The following MMS19 variants were observed in gnomAD, a reference collection of about 807,000 sequenced individuals.
The protein encoded by MMS19 is MMS19 nucleotide excision repair protein homolog.
In MMS19, 77 loss-of-function variants were observed where a neutral mutation model predicts 129.8. The observed-to-expected ratio is 0.59, with a 90% CI of 0.49 to 0.72. The LOEUF (loss-of-function observed/expected upper bound fraction) is 0.72, where lower values mean the gene tolerates loss of function less well. Ranked by LOEUF, MMS19 falls within the 30% of genes least tolerant of loss-of-function variation. The probability of loss-of-function intolerance (pLI) is 0.00; values close to 1 mark genes in which losing one functional copy is unlikely to be tolerated. For synonymous variants in MMS19, 491 were observed against 502.8 expected (o/e 0.98, Z 0.31); for missense variants, 1,168 against 1,266.3 (o/e 0.92, Z 1.18).
Position 97,469,674 on chromosome 10 carries a change from G to A in MMS19, c.896C>T (p.Pro299Leu). The A allele has an allele frequency of 1.2e-6, 2 of 1,613,968 alleles. No individual in the cohort carries two copies. Among genetic ancestry groups the A allele is most frequent in the African/African-American group, 1.3e-5 (1 of 75,042 alleles). Residue 299 changes from proline to leucine, a missense_variant, in exon 11 of 31, where the codon CCC (proline) becomes CTC (leucine). By Grantham distance (98) the Pro-to-Leu change is moderately conservative. This residue lies in a region of MMS19 where 831 missense variants were observed against 910.8 expected (regional missense o/e 0.91). Transcript: ENST00000438925. Reference protein sequence around the residue: ...YGQKELKDFLPSLWASIRREV... With the variant: ...YGQKELKDFLLSLWASIRREV... ...TCTGCGGATAGAAGCCCAAAGGCTG[G>A]GGAGGAAGTCCTTCAGTTCCTTCTG...
In MMS19 at chr10:97,460,678, C is replaced by T. The variant is rs1167959128; in HGVS notation, c.2469+17G>A. On this transcript the variant is annotated intron_variant, in intron 25 of 30. Transcript: ENST00000438925. ...TTGTTTAGGTCCTGGGTTCTTCTGT[C>T]TCCAGAAAGGACGTACCCGGGCTGT... 2 of 1,579,258 alleles carry T rather than the reference C, an allele frequency of 1.3e-6. No homozygotes were observed. Among genetic ancestry groups the T allele is most frequent in the Non-Finnish European group, 1.7e-6 (2 of 1,161,152 alleles).
chr10:97,488,318 C>T (rs977112145), intron 1 of MMS19, among the ~76,000 whole-genome samples: 3 of 152,162 alleles, frequency 2.0e-5, no homozygotes, highest in African/African-American at 7.2e-5. Flanking sequence ...CAGAAACAGA[C>T]ATTCTTAAAC....
rs753687925 is a variant in MMS19 at position 97,459,264 on chromosome 10, G to T, written c.2923C>A (p.Leu975Met). 1 of 1,613,350 alleles carries T rather than the reference G, an allele frequency of 6.2e-7. No homozygotes were observed. The highest frequency in any genetic ancestry group is 1.7e-5 in the Admixed American group (1 of 59,984). ...SPSMAVRIAALQCMHALTRLP... is the reference protein window; with the variant it reads ...SPSMAVRIAAMQCMHALTRLP... Reference sequence around the variant, plus strand: ...CGAGTGAGAGCATGCATGCACTGCAGTGCGGCGATCCGGACAGCCTGGAAC... The same window carrying T: ...CGAGTGAGAGCATGCATGCACTGCATTGCGGCGATCCGGACAGCCTGGAAC... The change falls in exon 29 of 31, where the codon CTG becomes ATG. Residue 975 changes from leucine to methionine, a missense_variant. Transcript: ENST00000438925.
intron 3 of MMS19, among the ~76,000 whole-genome samples, chr10:97,478,666 A>T (rs918844145): frequency 2.6e-5 from 4 of 152,044 alleles, no homozygotes; most frequent in South Asian, 4.1e-4. Flanking sequence ...GAGTTCACAA[A>T]TTTTTTCCTA....
intron 13 of MMS19, among the ~76,000 whole-genome samples, chr10:97,467,829 A>G (rs76974025): frequency 1.4e-5 from 2 of 147,584 alleles, no homozygotes; most frequent in Admixed American, 1.3e-4. Context: ...TTATCCAGCT[A>G]ATTTTTTTTT....
chr10:97,472,996 T>G (rs1247058552), intron 8 of MMS19, among the ~76,000 whole-genome samples: 1 of 152,118 alleles, frequency 6.6e-6, no homozygotes, highest in Non-Finnish European at 1.5e-5. Context: ...TAGCTGGGAC[T>G]GCAGACATGT....
chr10:97,462,984 GT>G, intron 19 of MMS19: 1 of 321,412 alleles, frequency 3.1e-6, no homozygotes, highest in East Asian at 6.2e-5. Flanking sequence ...GTTGTCCCTG[GT>G]GTCCCTGGAG....
Position 97,458,838 on chromosome 10 carries a change from TCTC to T in MMS19, c.3024_3026del (p.Arg1009del). 6.2e-7 allele frequency: 1 copy of T among 1,613,952 alleles called. No individual in the cohort carries two copies. The highest frequency in any genetic ancestry group is 8.5e-7 in the Non-Finnish European group (1 of 1,179,874). On this transcript the variant is annotated inframe_deletion, in exon 30 of 31. Coordinates refer to ENST00000438925, the MANE Select transcript of MMS19 (RefSeq NM_022362.5). Reference sequence around the variant, plus strand: ...CTGACACTGCTTCCTTGCGCACCAGTCTCTTCTTGTCATCCAGGGGTTTGGCTA... The same window carrying T: ...CTGACACTGCTTCCTTGCGCACCAGTTTCTTGTCATCCAGGGGTTTGGCTA...
intron 20 of MMS19, 61 bp downstream of exon 20, chr10:97,462,522 C>T: frequency 8.0e-7 from 1 of 1,251,690 alleles, no homozygotes; most frequent in Non-Finnish European, 1.2e-6. Flanking sequence ...CTACCTGTTG[C>T]TTCTTCCTAA....
chr10:97,488,461 G>T (rs2038295454), intron 1 of MMS19, among the ~76,000 whole-genome samples: 1 of 152,102 alleles, frequency 6.6e-6, no homozygotes, highest in African/African-American at 2.4e-5. Flanking sequence ...TCATCTTTTG[G>T]TATATACATG....
intron 1 of MMS19, 52 bp from the exon 2 acceptor site, chr10:97,484,203 A>G (rs1264591169): frequency 2.5e-6 from 3 of 1,201,484 alleles, no homozygotes; most frequent in East Asian, 5.1e-5. Flanking sequence ...AACCTACCAA[A>G]GGGTTGAATA....
chr10:97,487,183 T>C (rs1048141387), intron 1 of MMS19, among the ~76,000 whole-genome samples: 5 of 151,910 alleles, frequency 3.3e-5, no homozygotes, highest in Non-Finnish European at 5.9e-5. Context: ...TTTAAAATCC[T>C]ATTTCAGTTA....
Position 97,464,079 on chromosome 10 carries a change from C to T in MMS19, c.1757-66G>A, listed in dbSNP as rs558861810. 58 of 1,448,806 alleles carry T rather than the reference C, an allele frequency of 4.0e-5. No homozygotes were observed. The South Asian group carries it at 6.9e-4, about 17-fold the overall frequency. The allele number at this position is 1,448,806 out of a possible 1,614,324, so 89.7% of individuals were successfully genotyped here. ...GCACTTTCAGGTGTTTCCAATTACACAGCAGATGAGAGGAACAAAGAAGAG... is the reference window on the plus strand; with the variant it reads ...GCACTTTCAGGTGTTTCCAATTACATAGCAGATGAGAGGAACAAAGAAGAG... On this transcript the variant is annotated intron_variant, in intron 18 of 30. Coordinates refer to ENST00000438925, the MANE Select transcript of MMS19 (RefSeq NM_022362.5).
At chr10:97,482,902 A>G (rs1201622235) in intron 2 of MMS19, among the ~76,000 whole-genome samples, 1 of 152,010 alleles carries the variant, frequency 6.6e-6, no homozygotes, top group African/African-American at 2.4e-5. Context: ...CTGGAACTAC[A>G]GGCGCCCGCC....
intron 1 of MMS19, among the ~76,000 whole-genome samples, chr10:97,496,364 T>G (rs1204879130): frequency 2.6e-5 from 4 of 151,798 alleles, no homozygotes; most frequent in Non-Finnish European, 5.9e-5. Context: ...ATACAAAAAT[T>G]AGCCGAGCGC....
rs747496795 is a variant in MMS19 at position 97,461,453 on chromosome 10, T to C, written c.2311+43A>G. On this transcript the variant is annotated intron_variant, in intron 23 of 30. Transcript: ENST00000438925. ...GTACTGAGCTATAAGATTTCATGGG[T>C]AGTTGATTCTGGGAGGCTCCTTACA... The C allele has an allele frequency of 1.0e-5, 16 of 1,596,548 alleles. No homozygotes were observed. In the African/African-American group the frequency reaches 1.7e-4, roughly 17 times the overall value.
intron 23 of MMS19, 26 bp downstream of exon 23, chr10:97,461,470 C>T (rs936070987): frequency 6.2e-7 from 1 of 1,604,552 alleles, no homozygotes; most frequent in Admixed American, 1.7e-5. Flanking sequence ...TTCTGGGAGG[C>T]TCCTTACATA....
At chr10:97,489,363 T>C (rs1488504675) in intron 1 of MMS19, among the ~76,000 whole-genome samples, 8 of 152,210 alleles carry the variant, frequency 5.3e-5, no homozygotes, top group Non-Finnish European at 1.2e-4. Context: ...GGAAAATGCA[T>C]AGTTAAGGGT....
Position 97,466,588 on chromosome 10 carries a change from G to A in MMS19, c.1424-3C>T, listed in dbSNP as rs779141363. 9.9e-6 allele frequency: 16 copies of A among 1,610,656 alleles called. No individual in the cohort carries two copies. Among genetic ancestry groups the A allele is most frequent in the Non-Finnish European group, 1.4e-5 (16 of 1,176,966 alleles). On this transcript the variant is annotated splice_polypyrimidine_tract_variant and splice_region_variant and intron_variant, in intron 15 of 30. Transcript: ENST00000438925. ...CAAGTCCTCATAAGATAGGAGATCTGTAGTTAGAAGGGAACATGAATCTCA... is the reference window on the plus strand; with the variant it reads ...CAAGTCCTCATAAGATAGGAGATCTATAGTTAGAAGGGAACATGAATCTCA...
Sources: allele counts gnomAD v4.1 joint callset (sites outside exome capture counted in the v4.1 genomes callset), GRCh38; gene constraint gnomAD v4.1.1; regional missense constraint gnomAD v4.1.1; transcripts MANE v1.5; gene names NCBI Gene and HGNC (gene_info 2026-07-23, HGNC 2026-07-21).